Variants in ASIC4 observed in about 807,000 individuals in gnomAD.
The protein encoded by ASIC4 is acid sensing ion channel subunit family member 4.
In ASIC4, 28 loss-of-function variants were observed where a neutral mutation model predicts 53.4. The observed-to-expected ratio is 0.52, with a 90% CI of 0.39 to 0.72. The LOEUF (loss-of-function observed/expected upper bound fraction) is 0.72, where lower values mean the gene tolerates loss of function less well. Ranked by LOEUF, ASIC4 falls within the 30% of genes least tolerant of loss-of-function variation. ASIC4 has a pLI of 0.00. For synonymous variants in ASIC4, 289 were observed against 301.4 expected (o/e 0.96, Z 0.43); for missense variants, 649 against 729.7 (o/e 0.89, Z 1.27).
chr2:219,528,206 C>T (rs769200352), intron 1 of ASIC4, among the ~76,000 whole-genome samples: 1 of 152,200 alleles, frequency 6.6e-6, no homozygotes, highest in Admixed American at 6.5e-5. Context: ...TTTCCCACAC[C>T]ACCAGGACCC....
upstream of ASIC4, among the ~76,000 whole-genome samples, chr2:219,512,354 A>G (rs1694713053): frequency 6.6e-6 from 1 of 152,020 alleles, no homozygotes; most frequent in Non-Finnish European, 1.5e-5. Context: ...GAATTTAGAG[A>G]TATGTATGCA....
In ASIC4 at chr2:219,514,669, T is replaced by C; in HGVS notation, c.-56T>C. On this transcript the variant is annotated 5_prime_UTR_variant, in exon 1 of 10. Coordinates refer to ENST00000358078, the MANE Select transcript of ASIC4 (RefSeq NM_018674.6). ...CCACTCGGGAGGGCACCAGGGCTGCTGGCTAGGGAGGGACAGGGCAGGGAG... is the reference window on the plus strand; with the variant it reads ...CCACTCGGGAGGGCACCAGGGCTGCCGGCTAGGGAGGGACAGGGCAGGGAG... 6.2e-7 allele frequency: 1 copy of C among 1,613,144 alleles called. No homozygotes were observed. Among genetic ancestry groups the C allele is most frequent in the Non-Finnish European group, 8.5e-7 (1 of 1,179,722 alleles).
At position 219,532,951 on chromosome 2, in the gene ASIC4, C is replaced by G. The variant is rs748058323; in HGVS notation, c.1075+12C>G. 1 of 1,612,242 alleles carries G rather than the reference C, an allele frequency of 6.2e-7. No individual in the cohort carries two copies. Among genetic ancestry groups the G allele is most frequent in the African/African-American group, 1.3e-5 (1 of 75,002 alleles). ...AGACCACACACTGGGTCCGTGCTGC[C>G]TACCCTTTCCTACCTCTCCATCAGC... is the stretch of plus-strand genomic sequence containing the variant. On this transcript the variant is annotated intron_variant, in intron 5 of 9. Transcript: ENST00000358078.
chr2:219,535,359 ACT>A (rs1312944580), intron 6 of ASIC4, 35 bp downstream of exon 6: 8 of 1,505,122 alleles, frequency 5.3e-6, no homozygotes, highest in African/African-American at 3.0e-5. Flanking sequence ...TGGCTGTGTG[ACT>A]CTGTGTGTAC....
intron 1 of ASIC4, among the ~76,000 whole-genome samples, chr2:219,523,431 A>G (rs1694918745): frequency 6.6e-6 from 1 of 152,062 alleles, no homozygotes; most frequent in Non-Finnish European, 1.5e-5. Context: ...CACAGCTCAC[A>G]CATTTACATT....
At position 219,532,913 on chromosome 2, in the gene ASIC4, A is replaced by G; in HGVS notation, c.1049A>G (p.Tyr350Cys). The change falls in exon 5 of 10, where the codon TAC becomes TGC. Residue 350 changes from tyrosine to cysteine, a missense_variant. Physicochemically the swap from Tyr to Cys is radical, Grantham distance 194. Coordinates refer to ENST00000358078, the MANE Select transcript of ASIC4 (RefSeq NM_018674.6). The part of the protein sequence containing the change: ...GNETICPPNI[Y>C]IECADHTLDS... Reference sequence around the variant, plus strand: ...GAGACCATCTGCCCACCAAATATCTACATCGAGTGTGCAGACCACACACTG... The same window carrying G: ...GAGACCATCTGCCCACCAAATATCTGCATCGAGTGTGCAGACCACACACTG... The G allele has an allele frequency of 6.2e-7, 1 of 1,614,108 alleles. No individual in the cohort carries two copies. Among genetic ancestry groups the G allele is most frequent in the Non-Finnish European group, 8.5e-7 (1 of 1,180,004 alleles).
upstream of ASIC4, among the ~76,000 whole-genome samples, chr2:219,511,253 C>A (rs1376125690): frequency 6.6e-6 from 1 of 152,010 alleles, no homozygotes; most frequent in Non-Finnish European, 1.5e-5. The surrounding 1 kb of genome is among the most constrained non-coding windows in gnomAD (Gnocchi z 5.3). Context: ...ACCCTTGGAA[C>A]CCCCCAGGTT....
At chr2:219,507,482 G>A in the ASIC4 span, among the ~76,000 whole-genome samples, 5 of 152,304 alleles carry the variant, frequency 3.3e-5, no homozygotes, top group Admixed American at 6.5e-5. Context: ...TCATGTCTCT[G>A]TCTTCTACTC....
chr2:219,532,583 A>G (rs1230931359), intron 4 of ASIC4, 106 bp downstream of exon 4: 11 of 1,404,478 alleles, frequency 7.8e-6, no homozygotes, highest in Non-Finnish European at 1.1e-5. Flanking sequence ...TGTATACAAC[A>G]TGTGTATGTG....
At chr2:219,533,768 C>A in intron 5 of ASIC4, 1 of 151,520 alleles carries the variant, frequency 6.6e-6, no homozygotes, top group Non-Finnish European at 1.5e-5. Flanking sequence ...CACGGTGGCT[C>A]ACAAGTGTAG....
At position 219,527,801 on chromosome 2, in the gene ASIC4, G is replaced by C. The variant is rs77412631; in HGVS notation, c.583-3957G>C. ...CACCTATCACAGGACTTGGTACAAA[G>C]TCGGGATGTTTGATAGTGTTTGCTT... On this transcript the variant is annotated intron_variant, in intron 1 of 9. Coordinates refer to ENST00000358078, the MANE Select transcript of ASIC4 (RefSeq NM_018674.6). Among the ~76,000 whole-genome samples, 107 of 152,370 alleles carry C rather than the reference G, an allele frequency of 7.0e-4. 1 individual carries two copies. In the East Asian group the frequency reaches 0.02, roughly 29 times the overall value.
At chr2:219,508,953 C>T in the ASIC4 span, among the ~76,000 whole-genome samples, 12 of 151,732 alleles carry the variant, frequency 7.9e-5, no homozygotes, top group South Asian at 2.5e-3. Context: ...TGGCACCAAG[C>T]TGGATAGGGC....
chr2:219,530,310 A>G (rs1182755379), intron 1 of ASIC4, among the ~76,000 whole-genome samples: 1 of 152,222 alleles, frequency 6.6e-6, no homozygotes, highest in African/African-American at 2.4e-5. Context: ...CTAAATCCCC[A>G]GCGGGAGCCT....
At chr2:219,509,996 G>C (rs998550006), upstream of ASIC4, among the ~76,000 whole-genome samples, 2 of 151,836 alleles carry the variant, frequency 1.3e-5, no homozygotes, top group Non-Finnish European at 2.9e-5. The surrounding 1 kb of genome is among the most constrained non-coding windows in gnomAD (Gnocchi z 5.2). Flanking sequence ...CATGGGGTGT[G>C]GGGGGCGGGG....
At position 219,537,516 on chromosome 2, in the gene ASIC4, C is replaced by T. The variant is rs1695162359; in HGVS notation, c.1402-116C>T. The T allele has an allele frequency of 1.9e-6, 2 of 1,057,888 alleles. No homozygotes were observed. Among genetic ancestry groups the T allele is most frequent in the Non-Finnish European group, 2.8e-6 (2 of 721,466 alleles). The allele number at this position is 1,057,888 out of a possible 1,614,324, so 65.5% of individuals were successfully genotyped here. A position where few individuals can be genotyped will look rare whatever the true frequency, so the allele number is the denominator to read the frequency against. Reference sequence around the variant, plus strand: ...GATGGGTGAGGAGGAGGAGGGTGTCCTACTGGGAGTTTGCTGTGGCAGTAA... The same window carrying T: ...GATGGGTGAGGAGGAGGAGGGTGTCTTACTGGGAGTTTGCTGTGGCAGTAA... On this transcript the variant is annotated intron_variant, in intron 8 of 9. Coordinates refer to ENST00000358078, the MANE Select transcript of ASIC4 (RefSeq NM_018674.6). The surrounding 1 kb of genome is among the most constrained non-coding windows in gnomAD (Gnocchi z 4.9).
At chr2:219,513,748 G>A (rs1463986211), upstream of ASIC4, among the ~76,000 whole-genome samples, 2 of 152,238 alleles carry the variant, frequency 1.3e-5, no homozygotes, top group Non-Finnish European at 2.9e-5. Flanking sequence ...GGTGCTGTCT[G>A]TCCCAGACAT....
At chr2:219,530,141 T>C (rs1407367210) in intron 1 of ASIC4, among the ~76,000 whole-genome samples, 2 of 152,074 alleles carry the variant, frequency 1.3e-5, no homozygotes. Context: ...GAGAGAGTGA[T>C]TGAGTGCGCC....
chr2:219,535,407 A>G (rs1227130931), intron 6 of ASIC4, 83 bp downstream of exon 6: 1 of 1,412,900 alleles, frequency 7.1e-7, no homozygotes, highest in Non-Finnish European at 9.5e-7. Flanking sequence ...CTCTGTGTGT[A>G]CGTGTGTGTG....
At position 219,532,080 on chromosome 2, in the gene ASIC4, C is replaced by T. The variant is rs755919346; in HGVS notation, c.807C>T (p.Phe269=). ...EEPPYIHQLG[F]GVSPGFQTFV... is the part of the protein sequence containing the mutation. ...CGCCCTACATCCACCAGCTGGGGTT[C>T]GGGGTGTCCCCAGGCTTCCAGACCT... Residue 269 remains phenylalanine (F), a synonymous_variant, in exon 3 of 10, where the codon TTC becomes TTT. Coordinates refer to ENST00000358078, the MANE Select transcript of ASIC4 (RefSeq NM_018674.6). 33 of 1,614,124 alleles carry T rather than the reference C, an allele frequency of 2.0e-5. No individual in the cohort carries two copies. Among genetic ancestry groups the T allele is most frequent in the Middle Eastern group, 3.3e-4 (2 of 6,082 alleles).
Sources: allele counts gnomAD v4.1 joint callset (sites outside exome capture counted in the v4.1 genomes callset), GRCh38; gene constraint gnomAD v4.1.1; non-coding constraint Gnocchi (gnomAD v3.1); transcripts MANE v1.5; gene names NCBI Gene and HGNC (gene_info 2026-07-23, HGNC 2026-07-21).